Variants in NCAM1 observed in about 807,000 individuals in gnomAD.
The protein encoded by NCAM1 is antigen recognized by monoclonal antibody 5.1H11.
In NCAM1, 14 loss-of-function variants were observed where a neutral mutation model predicts 109.8. The ratio of observed to expected loss-of-function variants is 0.13; its 90% CI spans 0.08 to 0.20. NCAM1 has a LOEUF of 0.20. Ranked by LOEUF, NCAM1 falls within the 10% of genes least tolerant of loss-of-function variation. The pLI is 1.00. For missense variants in NCAM1, 774 were observed against 1,109.9 expected (o/e 0.70, Z 4.30); for synonymous variants, 418 against 442.9 (o/e 0.94, Z 0.70).
chr11:113,041,795 CA>C (rs1953085693), intron 1 of NCAM1, among the ~76,000 whole-genome samples: 1 of 152,126 alleles, frequency 6.6e-6, no homozygotes, highest in South Asian at 2.1e-4. Context: ...CCATGGGTGA[CA>C]CAGTGACCAC....
chr11:112,989,705 G>A (rs188861404), intron 1 of NCAM1, among the ~76,000 whole-genome samples: 74 of 152,238 alleles, frequency 4.9e-4, no homozygotes, highest in Non-Finnish European at 4.6e-4. Context: ...CTGTCGTCTT[G>A]TGTTGGTGTC....
intron 1 of NCAM1, 83 bp from the exon 2 acceptor site, chr11:113,202,296 G>C (rs1004551574): frequency 1.5e-6 from 2 of 1,342,354 alleles, no homozygotes; most frequent in African/African-American, 3.0e-5. Context: ...TTTCATTCTT[G>C]AACATTGGAA....
chr11:113,046,817 A>T (rs1953284034), intron 1 of NCAM1, among the ~76,000 whole-genome samples: 1 of 152,036 alleles, frequency 6.6e-6, no homozygotes, highest in Non-Finnish European at 1.5e-5. Context: ...AGAGAGAGAG[A>T]AAGAAAAAGA....
Position 113,233,042 on chromosome 11 carries a change from T to C in NCAM1, c.1523-105T>C, listed in dbSNP as rs1051185168. The C allele has an allele frequency of 2.5e-6, 3 of 1,219,540 alleles. No individual in the cohort carries two copies. The highest frequency in any genetic ancestry group is 1.5e-5 in the African/African-American group (1 of 66,114). The allele number at this position is 1,219,540 out of a possible 1,614,324, so 75.5% of individuals were successfully genotyped here. On this transcript the variant is annotated intron_variant, in intron 12 of 19. Coordinates refer to ENST00000316851, the MANE Select transcript of NCAM1 (RefSeq NM_181351.5). The surrounding 1 kb of genome is among the most constrained non-coding windows in gnomAD (Gnocchi z 4.5). ...GGAGGACAGGATACAGTGACAGGAT[T>C]CCCAAGAGTGAGCAGAAATGACAGA... is the stretch of plus-strand genomic sequence containing the variant.
intron 4 of NCAM1, 39 bp from the exon 5 acceptor site, chr11:113,206,004 G>T: frequency 6.2e-7 from 1 of 1,612,756 alleles, no homozygotes; most frequent in Non-Finnish European, 8.5e-7. Flanking sequence ...GATGCTCTCT[G>T]ACTGATTCTT....
At chr11:113,099,156 G>A (rs1238392595) in intron 1 of NCAM1, among the ~76,000 whole-genome samples, 3 of 152,134 alleles carry the variant, frequency 2.0e-5, no homozygotes, top group African/African-American at 4.8e-5. Context: ...CCAAGATCAC[G>A]TTTATTTAGT....
At chr11:113,062,651 T>C (rs1937725403) in intron 1 of NCAM1, among the ~76,000 whole-genome samples, 1 of 152,078 alleles carries the variant, frequency 6.6e-6, no homozygotes, top group African/African-American at 2.4e-5. Context: ...GGACGACCTC[T>C]CCAAGGAGAT....
intron 1 of NCAM1, among the ~76,000 whole-genome samples, chr11:113,026,891 T>C (rs193299164): frequency 6.6e-6 from 1 of 152,318 alleles, no homozygotes. Context: ...AGATATTTAG[T>C]ATGTGGCAGA....
intron 1 of NCAM1, among the ~76,000 whole-genome samples, chr11:113,076,663 C>T (rs1468789436): frequency 6.6e-6 from 1 of 152,122 alleles, no homozygotes; most frequent in East Asian, 1.9e-4. Flanking sequence ...TTCCCTCCCT[C>T]TAAATGCAAA....
At chr11:113,252,984 C>T (rs1945731222) in intron 15 of NCAM1, among the ~76,000 whole-genome samples, 1 of 151,692 alleles carries the variant, frequency 6.6e-6, no homozygotes, top group East Asian at 1.9e-4. Context: ...GCTCTAAATT[C>T]TAAGAGAAAA....
Position 113,263,723 on chromosome 11 carries a change from G to A in NCAM1, c.2131+3400G>A, listed in dbSNP as rs1451573888. Reference sequence around the variant, plus strand: ...GCATGTCGCAGATCAGCACAGAGTGGGGCCGTGGTTCAGCAGTGACCCACA... The same window carrying A: ...GCATGTCGCAGATCAGCACAGAGTGAGGCCGTGGTTCAGCAGTGACCCACA... On this transcript the variant is annotated intron_variant, in intron 17 of 19. Transcript: ENST00000316851. The A allele has an allele frequency of 8.1e-6, 8 of 985,352 alleles. No individual in the cohort carries two copies. The African/African-American group carries it at 1.4e-4, about 17-fold the overall frequency. The allele number at this position is 985,352 out of a possible 1,614,324, so 61.0% of individuals were successfully genotyped here. A position where few individuals can be genotyped will look rare whatever the true frequency, so the allele number is the denominator to read the frequency against.
chr11:113,193,324 T>A (rs531315724), intron 1 of NCAM1, among the ~76,000 whole-genome samples: 88 of 152,288 alleles, frequency 5.8e-4, no homozygotes, highest in African/African-American at 2.1e-3. Flanking sequence ...CTTTGAGTCA[T>A]TTCTTCTGAC....
At chr11:113,202,545 C>A (rs1591412987) in intron 2 of NCAM1, 92 bp downstream of exon 2, 3 of 1,094,994 alleles carry the variant, frequency 2.7e-6, no homozygotes, top group Admixed American at 2.8e-5. Context: ...GCTGGCTGGT[C>A]AAGCCACACC....
intron 1 of NCAM1, among the ~76,000 whole-genome samples, chr11:113,184,263 T>G (rs1361381250): frequency 6.6e-6 from 1 of 152,228 alleles, no homozygotes; most frequent in African/African-American, 2.4e-5. Context: ...AGGGAAACAA[T>G]TGAAATTTTT....
chr11:112,963,955 G>C lies in NCAM1; in HGVS notation c.52+2291G>C, dbSNP rs539649963. ...AGGCAGAACGTGAAACACATACAAG[G>C]TTGCTTAACAAAAGAAAGAAGTTGA... On this transcript the variant is annotated intron_variant, in intron 1 of 19. Transcript: ENST00000316851. This position sits in a 1 kb window ranked among gnomAD's most constrained non-coding sequence, Gnocchi z 4.6. Among the ~76,000 whole-genome samples the C allele has an allele frequency of 6.6e-6, 1 of 152,118 alleles. No individual in the cohort carries two copies. Among genetic ancestry groups the C allele is most frequent in the African/African-American group, 2.4e-5 (1 of 41,504 alleles).
intron 1 of NCAM1, among the ~76,000 whole-genome samples, chr11:113,103,421 C>T (rs1555091872): frequency 6.6e-6 from 1 of 152,120 alleles, no homozygotes; most frequent in African/African-American, 2.4e-5. Context: ...TCCTTGTGTT[C>T]ACTGATAAGC....
At position 113,270,351 on chromosome 11, in the gene NCAM1, C is replaced by T. The variant is rs200353961; in HGVS notation, c.2295C>T (p.Pro765=). The part of the protein sequence containing the change: ...IAVNLCGKAG[P]GAKGKDMEEG... Reference sequence around the variant, plus strand: ...TCAACCTGTGTGGAAAAGCCGGGCCCGGGGCCAAGGGCAAGGACATGGAGG... The same window carrying T: ...TCAACCTGTGTGGAAAAGCCGGGCCTGGGGCCAAGGGCAAGGACATGGAGG... The change falls in exon 18 of 20, where the codon CCC becomes CCT. Residue 765 remains proline (P), a synonymous_variant. Transcript: ENST00000316851. 128 of 1,613,966 alleles carry T rather than the reference C, an allele frequency of 7.9e-5. No homozygotes were observed. In the East Asian group the frequency reaches 1.8e-3, roughly 23 times the overall value.
At chr11:113,193,122 AT>A (rs1198976692) in intron 1 of NCAM1, among the ~76,000 whole-genome samples, 3 of 151,828 alleles carry the variant, frequency 2.0e-5, no homozygotes, top group Admixed American at 2.0e-4. Context: ...GATACTTCTG[AT>A]TTTTTTTGCT....
chr11:113,045,364 C>T (rs1369100859), intron 1 of NCAM1, among the ~76,000 whole-genome samples: 3 of 152,062 alleles, frequency 2.0e-5, no homozygotes, highest in African/African-American at 4.8e-5. Context: ...CAGCGGGTCA[C>T]AGTCAGGCTT....
Sources: allele counts gnomAD v4.1 joint callset (sites outside exome capture counted in the v4.1 genomes callset), GRCh38; gene constraint gnomAD v4.1.1; non-coding constraint Gnocchi (gnomAD v3.1); transcripts MANE v1.5; gene names NCBI Gene and HGNC (gene_info 2026-07-23, HGNC 2026-07-21).